The following FRMD3 variants were observed in gnomAD, a reference collection of about 807,000 sequenced individuals.
FRMD3 encodes FERM domain containing 3.
In FRMD3, 33 loss-of-function variants were observed where a neutral mutation model predicts 70.2. That is an observed-to-expected ratio of 0.47 (90% CI 0.36 to 0.63). The LOEUF (loss-of-function observed/expected upper bound fraction) is 0.63, where lower values mean the gene tolerates loss of function less well. FRMD3 is among the 20% of genes least tolerant of loss of function. The pLI, the probability that FRMD3 is intolerant of heterozygous loss-of-function variation, is 0.00. For missense variants in FRMD3, 632 were observed against 711.4 expected (o/e 0.89, Z 1.27); for synonymous variants, 279 against 255.9 (o/e 1.09, Z -0.86).
chr9:83,441,769 G>A (rs1052193147), intron 1 of FRMD3, among the ~76,000 whole-genome samples: 3 of 152,052 alleles, frequency 2.0e-5, no homozygotes, highest in African/African-American at 4.8e-5. Flanking sequence ...TGTTATCTGC[G>A]GACGCCACCA....
chr9:83,316,645 T>A (rs1427688910), intron 6 of FRMD3, among the ~76,000 whole-genome samples: 1 of 152,240 alleles, frequency 6.6e-6, no homozygotes, highest in East Asian at 1.9e-4. Context: ...TTCATCCCAA[T>A]CAGTACTTGT....
At chr9:83,509,547 C>T (rs1431311221) in intron 1 of FRMD3, among the ~76,000 whole-genome samples, 1 of 152,172 alleles carries the variant, frequency 6.6e-6, no homozygotes, top group Non-Finnish European at 1.5e-5. Context: ...AGGAGCAGCT[C>T]GTTTAATTGT....
chr9:83,378,196 A>G (rs973863545), intron 2 of FRMD3, among the ~76,000 whole-genome samples: 16 of 151,890 alleles, frequency 1.1e-4, no homozygotes, highest in African/African-American at 3.6e-4. Context: ...TTTAGGCTCC[A>G]TGAAAGAGAC....
chr9:83,360,570 G>T (rs577566846), intron 3 of FRMD3, among the ~76,000 whole-genome samples: 1 of 151,696 alleles, frequency 6.6e-6, no homozygotes, highest in East Asian at 2.0e-4. Context: ...GAAGAAGAAA[G>T]CCCCTGAAAG....
chr9:83,466,532 T>G (rs1378082314), intron 1 of FRMD3, among the ~76,000 whole-genome samples: 3 of 152,132 alleles, frequency 2.0e-5, no homozygotes, highest in Non-Finnish European at 4.4e-5. Context: ...AATAGCAAAT[T>G]TAAACGCCAT....
At chr9:83,249,638 A>G (rs1402057009) in intron 13 of FRMD3, among the ~76,000 whole-genome samples, 2 of 152,222 alleles carry the variant, frequency 1.3e-5, no homozygotes, top group Admixed American at 1.3e-4. Context: ...GAGAAGTCCA[A>G]ATGAAAAATA....
At chr9:83,411,874 C>G (rs1179777272) in intron 1 of FRMD3, among the ~76,000 whole-genome samples, 2 of 152,188 alleles carry the variant, frequency 1.3e-5, no homozygotes, top group Non-Finnish European at 2.9e-5. Flanking sequence ...TCTGGTTATT[C>G]ATGATTCTTC....
chr9:83,530,081 G>A (rs956808620), intron 1 of FRMD3, among the ~76,000 whole-genome samples: 1 of 152,186 alleles, frequency 6.6e-6, no homozygotes, highest in Non-Finnish European at 1.5e-5. Context: ...CTGTTTGACA[G>A]TTATTCAAAA....
At chr9:83,519,027 A>G (rs1452533081) in intron 1 of FRMD3, among the ~76,000 whole-genome samples, 3 of 152,224 alleles carry the variant, frequency 2.0e-5, no homozygotes, top group Non-Finnish European at 4.4e-5. Flanking sequence ...AAGCCCTAAA[A>G]CCATAAAAAC....
Position 83,538,164 on chromosome 9 carries a change from G to C in FRMD3, c.68C>G (p.Ser23Cys), listed in dbSNP as rs919284076. Residue 23 changes from serine (S) to cysteine (C), a missense_variant, in exon 1 of 14, where the codon TCC becomes TGC. Coordinates refer to ENST00000304195, the MANE Select transcript of FRMD3 (RefSeq NM_174938.6). The surrounding 1 kb of genome is among the most constrained non-coding windows in gnomAD (Gnocchi z 4.7). ...RTMKMIHFRS[S>C]SVKSLSQEMR... is the part of the protein sequence containing the mutation. ...CTCCTGGCTGAGCGATTTGACGCTGGAGCTCCGAAAGTGGATCATTTTCAT... is the reference window on the plus strand; with the variant it reads ...CTCCTGGCTGAGCGATTTGACGCTGCAGCTCCGAAAGTGGATCATTTTCAT... 1.9e-6 allele frequency: 3 copies of C among 1,612,594 alleles called. No individual in the cohort carries two copies.
chr9:83,435,608 C>A (rs76788614), intron 1 of FRMD3, among the ~76,000 whole-genome samples: 1 of 151,524 alleles, frequency 6.6e-6, no homozygotes, highest in Non-Finnish European at 1.5e-5. Context: ...ATTATTTTAA[C>A]CTGGATAGCT....
At chr9:83,404,555 T>C (rs1213969754) in intron 1 of FRMD3, among the ~76,000 whole-genome samples, 1 of 152,152 alleles carries the variant, frequency 6.6e-6, no homozygotes, top group Non-Finnish European at 1.5e-5. Flanking sequence ...AAAATGGGTG[T>C]AAAATCAGAG....
the FRMD3 span, among the ~76,000 whole-genome samples, chr9:83,545,332 C>CAGAGAAA: frequency 6.7e-6 from 1 of 148,492 alleles, no homozygotes; most frequent in African/African-American, 2.5e-5. Context: ...GACAAAAATA[C>CAGAGAAA]AGAGAAAAGT....
chr9:83,483,096 G>A (rs933796267), intron 1 of FRMD3, among the ~76,000 whole-genome samples: 1 of 152,204 alleles, frequency 6.6e-6, no homozygotes, highest in Non-Finnish European at 1.5e-5. Context: ...TAATCCCCAC[G>A]TGTTGGAGGA....
rs188870994 is a variant in FRMD3 at position 83,374,612 on chromosome 9, G to A, written c.253-1657C>T. ...AATCTCTCTGTGTCTCAGTTTCCTC[G>A]ACTATAAAATGGGAACAGTAATCAC... is the stretch of plus-strand genomic sequence containing the variant. On this transcript the variant is annotated intron_variant, in intron 2 of 13. Transcript: ENST00000304195. Among the ~76,000 whole-genome samples the A allele has an allele frequency of 1.8e-3, 279 of 152,152 alleles. 2 individuals carry two copies. The highest frequency in any genetic ancestry group is 6.4e-3 in the African/African-American group (266 of 41,528).
intron 3 of FRMD3, chr9:83,350,865 G>T: frequency 3.9e-6 from 2 of 517,342 alleles, no homozygotes; most frequent in Non-Finnish European, 5.0e-6. Flanking sequence ...CTACCGACTT[G>T]TAATATTACA....
chr9:83,526,228 C>T (rs946175659), intron 1 of FRMD3, among the ~76,000 whole-genome samples: 19 of 152,232 alleles, frequency 1.2e-4, no homozygotes, highest in African/African-American at 4.1e-4. Context: ...CTGTACTTGG[C>T]GTAATGGTCT....
chr9:83,445,341 AATAGATAGATAGATAGATAG>A (rs56369819), intron 1 of FRMD3, among the ~76,000 whole-genome samples: 5 of 146,542 alleles, frequency 3.4e-5, no homozygotes, highest in African/African-American at 1.3e-4. Flanking sequence ...CTCAAAAATA[AATAGATAGATAGATAGATAG>A]ATAGATAGAT....
chr9:83,328,234 G>C (rs1454373432), intron 6 of FRMD3, among the ~76,000 whole-genome samples: 1 of 151,898 alleles, frequency 6.6e-6, no homozygotes, highest in Non-Finnish European at 1.5e-5. Context: ...AAGGTAAGTT[G>C]GCAGAGCAGG....
Sources: allele counts gnomAD v4.1 joint callset (sites outside exome capture counted in the v4.1 genomes callset), GRCh38; gene constraint gnomAD v4.1.1; non-coding constraint Gnocchi (gnomAD v3.1); transcripts MANE v1.5; gene names NCBI Gene and HGNC (gene_info 2026-07-23, HGNC 2026-07-21).